INVS: variants seen among roughly 807,000 people sequenced by gnomAD.
INVS encodes inversin, also known as inversion of embryo turning homolog.
INVS carries 86 observed loss-of-function variants against 108.8 expected under a neutral mutation model. The observed-to-expected ratio is 0.79, with a 90% CI of 0.66 to 0.95. INVS has a LOEUF of 0.95. INVS is among the 40% of genes least tolerant of loss of function. The pLI, the probability that INVS is intolerant of heterozygous loss-of-function variation, is 0.00. For synonymous variants in INVS, 455 were observed against 473.5 expected (o/e 0.96, Z 0.51); for missense variants, 1,169 against 1,297.4 (o/e 0.90, Z 1.52).
intron 5 of INVS, among the ~76,000 whole-genome samples, 181 bp downstream of exon 5, chr9:100,230,008 T>A (rs1216888526): frequency 6.6e-6 from 1 of 152,170 alleles, no homozygotes; most frequent in Non-Finnish European, 1.5e-5. Flanking sequence ...TAAGACCACA[T>A]AGAGGTTTCC....
chr9:100,269,092 A>G (rs1283082947), intron 11 of INVS, among the ~76,000 whole-genome samples: 1 of 152,240 alleles, frequency 6.6e-6, no homozygotes, highest in Non-Finnish European at 1.5e-5. Context: ...TCTATAGGAA[A>G]CATACTAAGT....
At chr9:100,142,908 G>A (rs1828478257) in intron 3 of INVS, among the ~76,000 whole-genome samples, 1 of 152,140 alleles carries the variant, frequency 6.6e-6, no homozygotes, top group Non-Finnish European at 1.5e-5. Context: ...GAAAGGAGTT[G>A]TTGTTTTGTA....
At chr9:100,287,579 T>A (rs780503887) in intron 13 of INVS, among the ~76,000 whole-genome samples, 3 of 152,192 alleles carry the variant, frequency 2.0e-5, no homozygotes, top group Non-Finnish European at 2.9e-5. Flanking sequence ...GGTAATTGGA[T>A]CATGATAGTG....
intron 3 of INVS, among the ~76,000 whole-genome samples, chr9:100,214,488 T>C (rs1291315552): frequency 6.6e-6 from 1 of 152,204 alleles, no homozygotes. Flanking sequence ...ATTACATTGA[T>C]TTGTCTAAGC....
chr9:100,115,451 C>A (rs1337209668), intron 2 of INVS, among the ~76,000 whole-genome samples: 3 of 152,102 alleles, frequency 2.0e-5, no homozygotes, highest in African/African-American at 7.2e-5. Flanking sequence ...CTATGCCTCC[C>A]CCGTCCCCCG....
chr9:100,221,705 A>C (rs1161635518), intron 3 of INVS, among the ~76,000 whole-genome samples: 1 of 152,086 alleles, frequency 6.6e-6, no homozygotes, highest in African/African-American at 2.4e-5. Flanking sequence ...AAATCAGACA[A>C]ACCACTACTG....
At chr9:100,157,811 C>G (rs955649794) in intron 3 of INVS, among the ~76,000 whole-genome samples, 1 of 152,132 alleles carries the variant, frequency 6.6e-6, no homozygotes, top group Non-Finnish European at 1.5e-5. Flanking sequence ...AGTTTCAGAT[C>G]TTTGGCTTCA....
In INVS at chr9:100,226,113, CA is replaced by C; in HGVS notation, c.329del (p.Lys110ArgfsTer6). 1 of 1,613,770 alleles carries C rather than the reference CA, an allele frequency of 6.2e-7. No individual in the cohort carries two copies. The highest frequency in any genetic ancestry group is 8.5e-7 in the Non-Finnish European group (1 of 1,179,826). On this transcript the variant is annotated frameshift_variant, in exon 4 of 17. Transcript: ENST00000262457. LOFTEE classifies it high-confidence loss of function. ...LLLTRRANWMQKDLEEMTPLH... is the reference protein window; with the variant it reads ...LLLTRRANWMXKDLEEMTPLH... ...ACTTACACGCAGAGCAAACTGGATG[CA>C]AAAGGATCTGGAAGAGATGACTCCT...
rs540338810 is a variant in INVS, at chr9:100,145,960, G to A, written c.273+19411G>A. On this transcript the variant is annotated intron_variant, in intron 3 of 16. Coordinates refer to ENST00000262457, the MANE Select transcript of INVS (RefSeq NM_014425.5). ...GTTGGAGAAGAGATTAAGAAGAGGC[G>A]GCTTACCTGATTTAAAATTGGTGAG... Among the ~76,000 whole-genome samples the A allele has an allele frequency of 2.6e-5, 4 of 152,306 alleles. 1 individual carries two copies. The highest frequency in any genetic ancestry group is 2.1e-4 in the South Asian group (1 of 4,826).
At chr9:100,299,082 A>T (rs1833874073) in intron 16 of INVS, among the ~76,000 whole-genome samples, 1 of 152,210 alleles carries the variant, frequency 6.6e-6, no homozygotes, top group African/African-American at 2.4e-5. Flanking sequence ...GTTTAGCAGC[A>T]TATAAGTTTT....
At chr9:100,164,943 C>CT (rs1829314532) in intron 3 of INVS, among the ~76,000 whole-genome samples, 1 of 149,558 alleles carries the variant, frequency 6.7e-6, no homozygotes, top group Admixed American at 6.7e-5. Context: ...GGCTTAACCC[C>CT]TGCCCTAACT....
chr9:100,193,060 C>G (rs550152391), intron 3 of INVS, among the ~76,000 whole-genome samples: 37 of 151,382 alleles, frequency 2.4e-4, no homozygotes, highest in African/African-American at 8.5e-4. Context: ...CTCACTGCAG[C>G]CTTGAACTCC....
chr9:100,184,306 G>A (rs1489555573), intron 3 of INVS, among the ~76,000 whole-genome samples: 2 of 152,114 alleles, frequency 1.3e-5, no homozygotes, highest in African/African-American at 4.8e-5. Context: ...TTCTAGCAGT[G>A]CTAAATCAAA....
At chr9:100,227,848 T>C (rs564909765) in intron 4 of INVS, among the ~76,000 whole-genome samples, 1 of 152,340 alleles carries the variant, frequency 6.6e-6, no homozygotes, top group African/African-American at 2.4e-5. Context: ...TATCGATCTT[T>C]GTAGCCAAGG....
At chr9:100,145,780 C>G (rs1828588476) in intron 3 of INVS, among the ~76,000 whole-genome samples, 1 of 152,110 alleles carries the variant, frequency 6.6e-6, no homozygotes, top group Non-Finnish European at 1.5e-5. Flanking sequence ...ACTGTCTTCC[C>G]TAGTCTGTGA....
chr9:100,147,750 A>G (rs985106811), intron 3 of INVS, among the ~76,000 whole-genome samples: 1 of 152,216 alleles, frequency 6.6e-6, no homozygotes, highest in Admixed American at 6.5e-5. Flanking sequence ...TATACAATGG[A>G]AAACTAGGGA....
intron 10 of INVS, among the ~76,000 whole-genome samples, chr9:100,261,538 A>G (rs1345463415): frequency 6.6e-5 from 10 of 152,280 alleles, no homozygotes; most frequent in African/African-American, 1.7e-4. Flanking sequence ...AAGTGCTGGG[A>G]TTACAGGCAT....
At chr9:100,280,720 ATAACT>A (rs1291987669) in intron 12 of INVS, among the ~76,000 whole-genome samples, 3 of 152,214 alleles carry the variant, frequency 2.0e-5, no homozygotes, top group African/African-American at 7.2e-5. Flanking sequence ...ACATTTCATC[ATAACT>A]TAAGAAAAAA....
chr9:100,299,555 A>AACACACACACAC (rs55800849), intron 16 of INVS, among the ~76,000 whole-genome samples: 112 of 125,722 alleles, frequency 8.9e-4, no homozygotes, highest in African/African-American at 2.8e-3. Flanking sequence ...ATTGACACAC[A>AACACACACACAC]ACACACACAC....
Sources: allele counts gnomAD v4.1 joint callset (sites outside exome capture counted in the v4.1 genomes callset), GRCh38; gene constraint gnomAD v4.1.1; transcripts MANE v1.5; gene names NCBI Gene and HGNC (gene_info 2026-07-23, HGNC 2026-07-21).